The following TMEM63C variants were observed in gnomAD, a reference collection of about 807,000 sequenced individuals.
TMEM63C encodes the protein osmosensitive cation channel TMEM63C.
In TMEM63C, 32 loss-of-function variants were observed where a neutral mutation model predicts 99.2. The ratio of observed to expected loss-of-function variants is 0.32; its 90% CI spans 0.24 to 0.43. The LOEUF (loss-of-function observed/expected upper bound fraction) is 0.43. Ranked by LOEUF, TMEM63C falls within the 20% of genes least tolerant of loss-of-function variation. TMEM63C has a pLI of 1.00. For missense variants in TMEM63C, 826 were observed against 1,053.0 expected, an observed-to-expected ratio of 0.78 and a Z score of 2.98; for synonymous variants, 376 against 397.9, an observed-to-expected ratio of 0.94 and a Z score of 0.66.
rs560786543 is a variant in TMEM63C at position 77,224,299 on chromosome 14, C to T, written c.313-1125C>T. Among the ~76,000 whole-genome samples the T allele has an allele frequency of 3.3e-5, 5 of 152,158 alleles. No homozygotes were observed. The South Asian group carries it at 6.2e-4, about 19-fold the overall frequency. On this transcript the variant is annotated intron_variant, in intron 5 of 23. Transcript: ENST00000298351. ...TTGCTCCCCTCGGCATAAGGCCCGC[C>T]TTCTAAGTTTCCTTCCCTGTGTCAG...
At chr14:77,218,230 TA>T (rs67676073) in intron 2 of TMEM63C, among the ~76,000 whole-genome samples, 9,336 of 135,560 alleles carry the variant, frequency 0.069, 437 homozygotes, top group Admixed American at 0.11. Context: ...CCACAGAAGT[TA>T]AAAAAAAAAG....
At chr14:77,219,870 A>G in intron 4 of TMEM63C, 136 bp from the exon 5 acceptor site, 1 of 782,156 alleles carries the variant, frequency 1.3e-6, no homozygotes, top group Non-Finnish European at 2.1e-6. Context: ...CTGTGTGCTC[A>G]GCAAAGGAGC....
intron 6 of TMEM63C, among the ~76,000 whole-genome samples, chr14:77,229,850 C>T (rs1347294755): frequency 6.6e-6 from 1 of 151,970 alleles, no homozygotes; most frequent in East Asian, 1.9e-4. Context: ...GCACTTGTTG[C>T]TTTTAAATTG....
At chr14:77,191,525 C>CTTTT (rs1888106433) in intron 1 of TMEM63C, among the ~76,000 whole-genome samples, 1 of 112,940 alleles carries the variant, frequency 8.9e-6, no homozygotes, top group African/African-American at 3.2e-5. Context: ...TCTTTCTTTT[C>CTTTT]TTTTTTCTTT....
chr14:77,203,395 A>C (rs1395161254), intron 1 of TMEM63C, among the ~76,000 whole-genome samples: 21 of 152,106 alleles, frequency 1.4e-4, no homozygotes, highest in Non-Finnish European at 1.8e-4. Context: ...AAAAAAAAAA[A>C]AAAAAACAAT....
At chr14:77,229,841 C>G (rs1275294349) in intron 6 of TMEM63C, among the ~76,000 whole-genome samples, 1 of 151,974 alleles carries the variant, frequency 6.6e-6, no homozygotes, top group Non-Finnish European at 1.5e-5. Context: ...TTTCTATGAG[C>G]ACTTGTTGCT....
intron 23 of TMEM63C, among the ~76,000 whole-genome samples, chr14:77,253,899 G>A (rs1366014623): frequency 6.6e-6 from 1 of 152,174 alleles, no homozygotes; most frequent in East Asian, 1.9e-4. Flanking sequence ...CTCACACAGT[G>A]GCTCGGCCTG....
chr14:77,243,598 G>A (rs1253099043), intron 15 of TMEM63C, among the ~76,000 whole-genome samples: 2 of 152,136 alleles, frequency 1.3e-5, no homozygotes, highest in African/African-American at 4.8e-5. Flanking sequence ...CTCAGCCCTG[G>A]AGGAACCATC....
intron 1 of TMEM63C, among the ~76,000 whole-genome samples, chr14:77,207,109 T>G (rs1888415390): frequency 6.6e-6 from 1 of 152,192 alleles, no homozygotes; most frequent in Admixed American, 6.5e-5. Context: ...TCATGGCTGC[T>G]CACTTACTCA....
At chr14:77,237,122 C>T (rs1594865380) in intron 9 of TMEM63C, among the ~76,000 whole-genome samples, 1 of 152,206 alleles carries the variant, frequency 6.6e-6, no homozygotes, top group East Asian at 1.9e-4. Context: ...CCTCCTATCC[C>T]TGCCCCTCTG....
intron 17 of TMEM63C, 36 bp downstream of exon 17, chr14:77,246,062 A>T (rs1194433108): frequency 2.0e-6 from 3 of 1,520,578 alleles, no homozygotes; most frequent in Non-Finnish European, 2.7e-6. Flanking sequence ...CTTCTTAGCC[A>T]GGCTCTCTTA....
intron 1 of TMEM63C, among the ~76,000 whole-genome samples, chr14:77,188,012 T>C (rs1312334909): frequency 6.6e-6 from 1 of 152,162 alleles, no homozygotes; most frequent in Non-Finnish European, 1.5e-5. Context: ...TTCTGCCCCA[T>C]CTCACCCCAG....
chr14:77,243,744 C>G (rs1338021218), intron 15 of TMEM63C, among the ~76,000 whole-genome samples: 2 of 152,150 alleles, frequency 1.3e-5, no homozygotes, highest in East Asian at 3.9e-4. Flanking sequence ...TCCTCATTTC[C>G]AACAACACAC....
intron 6 of TMEM63C, among the ~76,000 whole-genome samples, chr14:77,226,408 G>T (rs1383827621): frequency 6.6e-6 from 1 of 152,218 alleles, no homozygotes; most frequent in Non-Finnish European, 1.5e-5. Flanking sequence ...GTCAAGTAGC[G>T]TCCCCGTGCA....
At chr14:77,244,919 C>T (rs1362885665) in intron 16 of TMEM63C, among the ~76,000 whole-genome samples, 1 of 152,234 alleles carries the variant, frequency 6.6e-6, no homozygotes, top group Non-Finnish European at 1.5e-5. Context: ...CAACCTTTTA[C>T]CCAATCAGGA....
chr14:77,253,211 T>C, intron 22 of TMEM63C, 94 bp from the exon 23 acceptor site: 1 of 1,126,690 alleles, frequency 8.9e-7, no homozygotes, highest in South Asian at 1.3e-5. Flanking sequence ...TCCAAGGTGG[T>C]GAGAAGCCCA....
rs762892012 is a variant in TMEM63C, at chr14:77,233,464, A to G, written c.506A>G (p.His169Arg). ...YTGSVLDWSS[H>R]FARTTIVNVS... The stretch of plus-strand genomic sequence containing the variant: ...CTTTCTCTTTCAGACTGGAGCAGTC[A>G]CTTTGCTCGGACCACCATTGTCAAT... The change falls in exon 8 of 24, where the codon CAC becomes CGC. Residue 169 changes from histidine (H) to arginine (R), a missense_variant. Transcript: ENST00000298351. 1 of 1,613,536 alleles carries G rather than the reference A, an allele frequency of 6.2e-7. No homozygotes were observed. Among genetic ancestry groups the G allele is most frequent in the South Asian group, 1.1e-5 (1 of 90,924 alleles).
intron 5 of TMEM63C, among the ~76,000 whole-genome samples, chr14:77,220,728 GGTA>G (rs1888677407): frequency 6.6e-6 from 1 of 151,968 alleles, no homozygotes; most frequent in Non-Finnish European, 1.5e-5. Context: ...GATGGTCTCG[GGTA>G]GTGGTGACAT....
chr14:77,205,064 A>T (rs1236795255), intron 1 of TMEM63C, among the ~76,000 whole-genome samples: 2 of 152,212 alleles, frequency 1.3e-5, no homozygotes, highest in Non-Finnish European at 2.9e-5. Context: ...GAATGAATCA[A>T]GTAATGGGAG....
Sources: gnomAD v4.1 joint callset for allele counts (sites outside exome capture counted in the v4.1 genomes callset) on GRCh38, gnomAD v4.1.1 for gene constraint, MANE v1.5 for transcripts, NCBI Gene and HGNC (gene_info 2026-07-23, HGNC 2026-07-21) for gene names.